NKAIN2: variants seen among roughly 807,000 people sequenced by gnomAD.
NKAIN2 encodes sodium/potassium-transporting ATPase subunit beta-1-interacting protein 2.
In NKAIN2, 14 loss-of-function variants were observed where a neutral mutation model predicts 32.6. The observed-to-expected ratio is 0.43, with a 90% confidence interval of 0.28 to 0.67. The LOEUF is 0.67. NKAIN2 is among the 30% of genes least tolerant of loss of function. The probability of loss-of-function intolerance (pLI) is 0.17; values close to 1 mark genes in which losing one functional copy is unlikely to be tolerated. For missense variants in NKAIN2, 198 were observed against 258.3 expected, an observed-to-expected ratio of 0.77 and a Z score of 1.60; for synonymous variants, 80 against 87.2, an observed-to-expected ratio of 0.92 and a Z score of 0.46.
intron 1 of NKAIN2, among the ~76,000 whole-genome samples, chr6:124,031,555 A>G (rs1296825204): frequency 6.6e-6 from 1 of 152,128 alleles, no homozygotes; most frequent in East Asian, 1.9e-4. Flanking sequence ...TTAGTGCTAT[A>G]AATTTCCCTC....
At chr6:124,142,359 A>G (rs746630445) in intron 1 of NKAIN2, among the ~76,000 whole-genome samples, 1 of 152,240 alleles carries the variant, frequency 6.6e-6, no homozygotes, top group Non-Finnish European at 1.5e-5. Context: ...AAGGATTCAG[A>G]AATAAAAACA....
chr6:124,467,484 C>T (rs1020178783), intron 3 of NKAIN2, among the ~76,000 whole-genome samples: 5 of 152,056 alleles, frequency 3.3e-5, no homozygotes, highest in African/African-American at 1.2e-4. Context: ...CATGTGATTT[C>T]ATGCTTGTAA....
At chr6:124,803,775 A>G (rs1301074699) in intron 5 of NKAIN2, among the ~76,000 whole-genome samples, 5 of 152,186 alleles carry the variant, frequency 3.3e-5, no homozygotes, top group Non-Finnish European at 7.3e-5. Flanking sequence ...CCTTGTCTCC[A>G]TCTACTCTCC....
intron 1 of NKAIN2, among the ~76,000 whole-genome samples, chr6:123,932,575 C>T (rs1776304231): frequency 1.3e-5 from 2 of 151,932 alleles, no homozygotes; most frequent in Admixed American, 6.5e-5. Flanking sequence ...CGCCAACCTG[C>T]CCGGCTAATT....
At chr6:124,353,383 T>G (rs1376730014) in intron 2 of NKAIN2, among the ~76,000 whole-genome samples, 2 of 151,938 alleles carry the variant, frequency 1.3e-5, no homozygotes, top group Non-Finnish European at 2.9e-5. Context: ...GGAGGTGATA[T>G]TTGAATTAAC....
chr6:124,536,077 T>A (rs1012747209), intron 3 of NKAIN2, among the ~76,000 whole-genome samples: 2 of 152,118 alleles, frequency 1.3e-5, no homozygotes, highest in Admixed American at 6.5e-5. Flanking sequence ...TCCCTGGACT[T>A]TACAAGCAGA....
rs141783635 is a variant in NKAIN2 at position 124,023,695 on chromosome 6, C to T, written c.54+219441C>T. 4.9e-3 allele frequency among the ~76,000 whole-genome samples: 751 copies of T among 152,224 alleles called. 4 individuals are homozygous for T. The highest frequency in any genetic ancestry group is 0.017 in the African/African-American group (704 of 41,544). Reference sequence around the variant, plus strand: ...CAGATTAACTTTACATTGATTTTCTCGTTACCTGTGCTAAAATACATCTGA... The same window carrying T: ...CAGATTAACTTTACATTGATTTTCTTGTTACCTGTGCTAAAATACATCTGA... On this transcript the variant is annotated intron_variant, in intron 1 of 6. Transcript: ENST00000368417.
At chr6:124,115,223 T>C (rs2114977816) in intron 1 of NKAIN2, among the ~76,000 whole-genome samples, 1 of 152,284 alleles carries the variant, frequency 6.6e-6, no homozygotes, top group South Asian at 2.1e-4. Flanking sequence ...AGCTTTGCCA[T>C]TAGATTCTTA....
At chr6:124,010,201 T>C (rs957211035) in intron 1 of NKAIN2, among the ~76,000 whole-genome samples, 1 of 152,116 alleles carries the variant, frequency 6.6e-6, no homozygotes, top group African/African-American at 2.4e-5. Context: ...TGTCTGAGAA[T>C]TGAAGATATC....
chr6:124,326,742 G>A (rs1797433507), intron 2 of NKAIN2, among the ~76,000 whole-genome samples: 1 of 152,094 alleles, frequency 6.6e-6, no homozygotes, highest in Admixed American at 6.6e-5. Context: ...TAGATGCCTG[G>A]TATAATTAGA....
chr6:124,293,237 T>G (rs1041506707), intron 2 of NKAIN2, among the ~76,000 whole-genome samples: 2 of 152,098 alleles, frequency 1.3e-5, no homozygotes, highest in Non-Finnish European at 2.9e-5. Context: ...TTGGATGCAT[T>G]GAATTAGATT....
At chr6:123,985,806 C>T (rs987473484) in intron 1 of NKAIN2, among the ~76,000 whole-genome samples, 6 of 151,924 alleles carry the variant, frequency 3.9e-5, no homozygotes, top group East Asian at 1.9e-4. Flanking sequence ...TCTGAGAAAT[C>T]GATGTTTTCA....
Position 124,823,239 on chromosome 6 carries a change from C to T in NKAIN2, c.*10C>T. 1 of 1,591,374 alleles carries T rather than the reference C, an allele frequency of 6.3e-7. No homozygotes were observed. The highest frequency in any genetic ancestry group is 8.6e-7 in the Non-Finnish European group (1 of 1,158,986). On this transcript the variant is annotated 3_prime_UTR_variant, in exon 7 of 7. Coordinates refer to ENST00000368417, the MANE Select transcript of NKAIN2 (RefSeq NM_001040214.3). The stretch of plus-strand genomic sequence containing the variant: ...TCTCAGGTCAAAATAATACAGATGA[C>T]TTCAGTATGTCAGCCCATGGACCTT...
intron 3 of NKAIN2, among the ~76,000 whole-genome samples, chr6:124,400,688 A>G (rs1316552128): frequency 6.6e-6 from 1 of 152,094 alleles, no homozygotes; most frequent in African/African-American, 2.4e-5. Flanking sequence ...TTTTTAAATT[A>G]TTTTTATTTT....
At chr6:123,946,526 C>T (rs906113044) in intron 1 of NKAIN2, among the ~76,000 whole-genome samples, 2 of 152,146 alleles carry the variant, frequency 1.3e-5, no homozygotes, top group African/African-American at 4.8e-5. Context: ...TCACCATTTT[C>T]AGATGATTTG....
chr6:124,645,340 C>T (rs1450768533), intron 3 of NKAIN2, among the ~76,000 whole-genome samples: 2 of 152,198 alleles, frequency 1.3e-5, no homozygotes, highest in Non-Finnish European at 2.9e-5. Flanking sequence ...TTGCCTTAGC[C>T]TCTTCCAATG....
rs184314437 is a variant in NKAIN2 at position 124,445,086 on chromosome 6, C to T, written c.273+89739C>T. The stretch of plus-strand genomic sequence containing the variant: ...GGATATATGAGTTTTAATAACGAAA[C>T]CTCTGCAAGGATGTCTTTAAGTTTA... On this transcript the variant is annotated intron_variant, in intron 3 of 6. Transcript: ENST00000368417. 2.3e-3 allele frequency among the ~76,000 whole-genome samples: 342 copies of T among 151,942 alleles called. 2 individuals carry two copies. Among genetic ancestry groups the T allele is most frequent in the Non-Finnish European group, 4.1e-3 (276 of 67,900 alleles).
At chr6:124,576,812 T>C (rs1781353073) in intron 3 of NKAIN2, among the ~76,000 whole-genome samples, 1 of 152,150 alleles carries the variant, frequency 6.6e-6, no homozygotes, top group Admixed American at 6.5e-5. Flanking sequence ...TCAAACTGTA[T>C]ACAAAAATTA....
At chr6:124,787,651 G>C (rs1446412548) in intron 4 of NKAIN2, among the ~76,000 whole-genome samples, 2 of 152,074 alleles carry the variant, frequency 1.3e-5, no homozygotes, top group African/African-American at 4.8e-5. Flanking sequence ...AGGCTAGAAA[G>C]GAAGACAAGT....
Sources: gnomAD v4.1 joint callset for allele counts (sites outside exome capture counted in the v4.1 genomes callset) on GRCh38, gnomAD v4.1.1 for gene constraint, MANE v1.5 for transcripts, NCBI Gene and HGNC (gene_info 2026-07-23, HGNC 2026-07-21) for gene names.